Variants in WWC2 observed in about 807,000 individuals in gnomAD.
The protein encoded by WWC2 is protein WWC2.
A neutral mutation model predicts 138.5 loss-of-function variants in WWC2; 101 were observed. That is an observed-to-expected ratio of 0.73 (90% CI 0.62 to 0.86). The LOEUF is 0.86. Among genes scored for constraint, WWC2 ranks in the 40% least tolerant of loss-of-function variants. The pLI is 0.00. For synonymous variants in WWC2, 558 were observed against 538.4 expected, an observed-to-expected ratio of 1.04 and a Z score of -0.50; for missense variants, 1,420 against 1,419.4, an observed-to-expected ratio of 1.00 and a Z score of -0.01.
intron 4 of WWC2, among the ~76,000 whole-genome samples, chr4:183,221,642 CAAT>C (rs1429098360): frequency 6.6e-6 from 1 of 152,026 alleles, no homozygotes; most frequent in East Asian, 1.9e-4. Context: ...GCATACTTCT[CAAT>C]AATTCATTGG....
At chr4:183,260,850 A>G in intron 10 of WWC2, 60 bp from the exon 11 acceptor site, 1 of 1,577,122 alleles carries the variant, frequency 6.3e-7, no homozygotes, top group Non-Finnish European at 8.6e-7. Context: ...GCCAGTAGAG[A>G]TTGTGATTAG....
chr4:183,271,103 A>C lies in WWC2; in HGVS notation c.2424A>C (p.Ala808=), dbSNP rs139018628. ...AGGCTGGAACTCAGATCAGCCTGGC[A>C]GATTTACCATTTTCCAGTGAGGTTT... ...ECLAGTQISL[A]DLPFSSEVFT... Residue 808 remains alanine (A), a synonymous_variant, in exon 16 of 23, where the codon GCA becomes GCC. Transcript: ENST00000403733. 269 of 1,605,248 alleles carry C rather than the reference A, an allele frequency of 1.7e-4. No homozygotes were observed. The highest frequency in any genetic ancestry group is 1.2e-3 in the Admixed American group (69 of 59,078).
intron 4 of WWC2, among the ~76,000 whole-genome samples, chr4:183,216,843 T>G (rs1162320549): frequency 1.3e-5 from 2 of 152,018 alleles, no homozygotes; most frequent in Admixed American, 1.3e-4. Flanking sequence ...TCTAGTAGGG[T>G]CTCCTCAAAT....
chr4:183,167,346 A>G (rs1433802851), intron 1 of WWC2, among the ~76,000 whole-genome samples: 1 of 152,210 alleles, frequency 6.6e-6, no homozygotes, highest in Non-Finnish European at 1.5e-5. Flanking sequence ...TTTTATACAC[A>G]TAGCTCGAAT....
chr4:183,263,961 C>G (rs981659208), intron 11 of WWC2, among the ~76,000 whole-genome samples: 2 of 152,076 alleles, frequency 1.3e-5, no homozygotes, highest in Admixed American at 6.5e-5. Context: ...ACACCAACCA[C>G]GTTGGAATAA....
Position 183,320,643 on chromosome 4 carries a change from C to A in WWC2, c.*4914C>A. On this transcript the variant is annotated 3_prime_UTR_variant, in exon 23 of 23. Transcript: ENST00000403733. Reference sequence around the variant, plus strand: ...CTCCTCCTGCTTTGTGTTTCACTAACTGCACCTGTCAGATTTTCATCTCTT... The same window carrying A: ...CTCCTCCTGCTTTGTGTTTCACTAAATGCACCTGTCAGATTTTCATCTCTT... The A allele has an allele frequency of 5.1e-6, 1 of 195,586 alleles. No individual in the cohort carries two copies. The highest frequency in any genetic ancestry group is 1.2e-4 in the South Asian group (1 of 8,106). The allele number at this position is 195,586 out of a possible 1,614,324, so 12.1% of individuals were successfully genotyped here. A position where few individuals can be genotyped will look rare whatever the true frequency, so the allele number is the denominator to read the frequency against.
chr4:183,246,834 T>G (rs192189743), intron 6 of WWC2, among the ~76,000 whole-genome samples: 1 of 152,272 alleles, frequency 6.6e-6, no homozygotes, highest in Non-Finnish European at 1.5e-5. Context: ...TCTTGCTGAT[T>G]AAGTCAGTCA....
chr4:183,106,165 A>G (rs1561416600), intron 1 of WWC2, among the ~76,000 whole-genome samples: 1 of 151,958 alleles, frequency 6.6e-6, no homozygotes, highest in East Asian at 2.0e-4. Flanking sequence ...TGTATTTTTA[A>G]TAGAGATGGG....
intron 21 of WWC2, among the ~76,000 whole-genome samples, chr4:183,310,833 A>T (rs1042345483): frequency 1.2e-4 from 1 of 8,290 alleles, no homozygotes; most frequent in African/African-American, 2.8e-4. Flanking sequence ...GGCATATTGT[A>T]AAAAAAAAAA....
intron 1 of WWC2, among the ~76,000 whole-genome samples, chr4:183,156,333 C>CT (rs143885415): frequency 6.0e-5 from 7 of 117,606 alleles, no homozygotes; most frequent in African/African-American, 1.3e-4. Flanking sequence ...GCCCTTTGTT[C>CT]TTTTTTTTTT....
chr4:183,211,124 A>G (rs1580061505), intron 4 of WWC2, among the ~76,000 whole-genome samples: 1 of 152,196 alleles, frequency 6.6e-6, no homozygotes, highest in South Asian at 2.1e-4. Context: ...TTTTCAAACA[A>G]TTGGAGATTT....
At chr4:183,118,015 G>A (rs1250056012) in intron 1 of WWC2, among the ~76,000 whole-genome samples, 6 of 151,670 alleles carry the variant, frequency 4.0e-5, no homozygotes, top group Non-Finnish European at 8.8e-5. Flanking sequence ...GGCCAGGCTG[G>A]TCTTGAACTG....
At chr4:183,222,514 A>C (rs1371100882) in intron 4 of WWC2, among the ~76,000 whole-genome samples, 3 of 152,132 alleles carry the variant, frequency 2.0e-5, no homozygotes, top group African/African-American at 7.2e-5. Context: ...TTTTTGAAGG[A>C]TATAAACAAA....
At chr4:183,245,647 C>G (rs971140458) in intron 6 of WWC2, 102 bp downstream of exon 6, 2 of 1,302,312 alleles carry the variant, frequency 1.5e-6, no homozygotes, top group African/African-American at 3.1e-5. Flanking sequence ...GATGACCCTT[C>G]TACCTCTGCC....
rs538057344 is a variant in WWC2, at chr4:183,312,838, G to C, written c.3512+370G>C. 3.9e-5 allele frequency among the ~76,000 whole-genome samples: 6 copies of C among 152,316 alleles called. No individual in the cohort carries two copies. In the East Asian group the frequency reaches 9.6e-4, roughly 24 times the overall value. ...CCCCAGAAACCTTACACCTTGTCAGGCTCTGAGATGTGGAGGCTAAGAACA... is the reference window on the plus strand; with the variant it reads ...CCCCAGAAACCTTACACCTTGTCAGCCTCTGAGATGTGGAGGCTAAGAACA... On this transcript the variant is annotated intron_variant, in intron 22 of 22. Coordinates refer to ENST00000403733, the MANE Select transcript of WWC2 (RefSeq NM_024949.6).
intron 1 of WWC2, among the ~76,000 whole-genome samples, chr4:183,147,306 A>C (rs1438460278): frequency 6.6e-6 from 1 of 152,248 alleles, no homozygotes; most frequent in African/African-American, 2.4e-5. Flanking sequence ...GTGGCGGCTC[A>C]GAGAAGCTAA....
chr4:183,295,436 G>A (rs527980511), intron 21 of WWC2, among the ~76,000 whole-genome samples: 5 of 152,296 alleles, frequency 3.3e-5, no homozygotes, highest in African/African-American at 9.6e-5. Flanking sequence ...CCTGTAAAAC[G>A]TGATGAGAAT....
chr4:183,165,713 A>G (rs1399246554), intron 1 of WWC2, among the ~76,000 whole-genome samples: 3 of 152,248 alleles, frequency 2.0e-5, no homozygotes, highest in East Asian at 3.8e-4. Context: ...TAGAAACTAT[A>G]TAGGTAATCA....
At chr4:183,300,341 C>CTT (rs763942652) in intron 21 of WWC2, among the ~76,000 whole-genome samples, 6 of 136,240 alleles carry the variant, frequency 4.4e-5, no homozygotes, top group Non-Finnish European at 6.4e-5. Flanking sequence ...GCAGGAATTT[C>CTT]TTTTTTTTTT....
Sources: gnomAD v4.1 joint callset for allele counts (sites outside exome capture counted in the v4.1 genomes callset) on GRCh38, gnomAD v4.1.1 for gene constraint, MANE v1.5 for transcripts, NCBI Gene and HGNC (gene_info 2026-07-23, HGNC 2026-07-21) for gene names.